CHD2: variants seen among roughly 807,000 people sequenced by gnomAD.
CHD2 encodes the protein chromodomain helicase DNA binding protein 2.
Under a neutral mutation model 243.9 loss-of-function variants are expected in CHD2, and 28 were observed. The ratio of observed to expected loss-of-function variants is 0.11; its 90% confidence interval spans 0.09 to 0.16. The LOEUF is 0.16. CHD2 is among the 10% of genes least tolerant of loss of function. The pLI, the probability that CHD2 is intolerant of heterozygous loss-of-function variation, is 1.00. For synonymous variants in CHD2, 775 were observed against 779.0 expected, an observed-to-expected ratio of 0.99 and a Z score of 0.09; for missense variants, 1,386 against 2,209.8, an observed-to-expected ratio of 0.63 and a Z score of 7.47.
intron 2 of CHD2, among the ~76,000 whole-genome samples, chr15:92,903,880 C>T (rs1342973613): frequency 2.0e-5 from 3 of 152,118 alleles, no homozygotes; most frequent in Admixed American, 6.5e-5. Flanking sequence ...CGGGTAAATC[C>T]TACAATTTTC....
intron 34 of CHD2, among the ~76,000 whole-genome samples, chr15:93,006,690 C>T (rs1472130211): frequency 3.3e-5 from 5 of 152,176 alleles, no homozygotes; most frequent in African/African-American, 9.7e-5. Flanking sequence ...ACATAGAACA[C>T]AGTTTTGACC....
intron 3 of CHD2, among the ~76,000 whole-genome samples, chr15:92,925,850 T>G (rs2053050130): frequency 6.6e-6 from 1 of 152,242 alleles, no homozygotes; most frequent in Non-Finnish European, 1.5e-5. Flanking sequence ...GTAAAATGCC[T>G]ATTCTGGGCC....
intron 35 of CHD2, among the ~76,000 whole-genome samples, chr15:93,010,170 A>G (rs544328960): frequency 2.5e-4 from 38 of 152,126 alleles, no homozygotes; most frequent in African/African-American, 8.7e-4. Flanking sequence ...ATTCCTTTTT[A>G]TGGCTGAGTA....
At chr15:92,937,233 G>T (rs78177980) in intron 5 of CHD2, among the ~76,000 whole-genome samples, 4 of 151,904 alleles carry the variant, frequency 2.6e-5, no homozygotes, top group Non-Finnish European at 5.9e-5. Context: ...CACTGATCTT[G>T]TGCATGTTAT....
rs1194866781 is a variant in CHD2 at position 93,026,483 on chromosome 15, T to A, written c.*1778T>A. On this transcript the variant is annotated 3_prime_UTR_variant, in exon 39 of 39. Coordinates refer to ENST00000394196, the MANE Select transcript of CHD2 (RefSeq NM_001271.4). ...TGAGGGTCTGGGTCCCGGAAGCTTGTGTTGAGAGCTCAGTGGACCCACCCC... is the reference window on the plus strand; with the variant it reads ...TGAGGGTCTGGGTCCCGGAAGCTTGAGTTGAGAGCTCAGTGGACCCACCCC... 2 of 152,252 alleles carry A rather than the reference T, an allele frequency of 1.3e-5. No individual in the cohort carries two copies. The highest frequency in any genetic ancestry group is 3.8e-4 in the East Asian group (2 of 5,204). The allele number at this position is 152,252 out of a possible 1,614,324, so 9.4% of individuals were successfully genotyped here. A position where few individuals can be genotyped will look rare whatever the true frequency, so the allele number is the denominator to read the frequency against.
In CHD2 at chr15:92,942,061, G is replaced by C. The variant is rs181635160; in HGVS notation, c.826+106G>C. ...TGAATTTTAGTCTACTGCTGTATTT[G>C]TTGTGATATGTAGAAGTCTTTCTGA... On this transcript the variant is annotated intron_variant, in intron 8 of 38. Transcript: ENST00000394196. 5.9e-4 allele frequency: 627 copies of C among 1,062,652 alleles called. 2 individuals are homozygous for C. Among genetic ancestry groups the C allele is most frequent in the Non-Finnish European group, 7.7e-4 (558 of 723,336 alleles). The allele number at this position is 1,062,652 out of a possible 1,614,324, so 65.8% of individuals were successfully genotyped here.
chr15:92,961,876 C>CTTTTTT (rs3064790), intron 16 of CHD2, among the ~76,000 whole-genome samples: 3,737 of 77,480 alleles, frequency 0.048, 269 homozygotes, highest in Non-Finnish European at 0.061. Context: ...TTTTTCTTCT[C>CTTTTTT]TTTTTTTTTT....
intron 5 of CHD2, among the ~76,000 whole-genome samples, chr15:92,933,640 T>TA (rs2053215785): frequency 6.6e-6 from 1 of 152,214 alleles, no homozygotes; most frequent in Admixed American, 6.5e-5. Flanking sequence ...GTTTTATTCT[T>TA]ACCAGGTGGG....
rs149772468 is a variant in CHD2 at position 92,904,618 on chromosome 15, C to T, written c.62+3319C>T. The stretch of plus-strand genomic sequence containing the variant: ...GCACCCTGTAGTGTGTTCTTTTGCC[C>T]ATTTCCGGGAATGGTTTATCCTCTT... On this transcript the variant is annotated intron_variant, in intron 2 of 38. Transcript: ENST00000394196. 482 of 1,175,266 alleles carry T rather than the reference C, an allele frequency of 4.1e-4. 3 individuals are homozygous for T. In the African/African-American group the frequency reaches 7.1e-3, roughly 17 times the overall value. 72.8% of individuals were successfully genotyped at this position (1,175,266 alleles called of 1,614,324 possible).
At chr15:92,903,504 G>T (rs1489829314) in intron 2 of CHD2, among the ~76,000 whole-genome samples, 1 of 152,114 alleles carries the variant, frequency 6.6e-6, no homozygotes, top group African/African-American at 2.4e-5. Context: ...ATATAAGTTT[G>T]TATTTTAATT....
chr15:93,024,384 C>T lies in CHD2; in HGVS notation c.5166C>T (p.Asp1722=). ...ATCTCTATTTCAGGCACCATCATGA[C>T]TCCAAGCGGAGGAGATCCGATGAAT... ...HRDYYDRHHH[D]SKRRRSDEFR... Residue 1722 remains aspartate, a synonymous_variant, in exon 39 of 39, where the codon GAC becomes GAT. Transcript: ENST00000394196. The T allele has an allele frequency of 6.2e-7, 1 of 1,613,128 alleles. No individual in the cohort carries two copies. The highest frequency in any genetic ancestry group is 8.5e-7 in the Non-Finnish European group (1 of 1,179,382).
At chr15:92,904,841 A>C in intron 2 of CHD2, 3 of 1,516,080 alleles carry the variant, frequency 2.0e-6, no homozygotes, top group East Asian at 2.5e-5. Flanking sequence ...AAAACGTTTG[A>C]GTGTCAGAGG....
intron 20 of CHD2, among the ~76,000 whole-genome samples, chr15:92,976,774 G>GCA (rs1302568054): frequency 6.6e-6 from 1 of 151,712 alleles, no homozygotes; most frequent in Non-Finnish European, 1.5e-5. Context: ...AGTATTGTGT[G>GCA]CTTGTAGTTC....
intron 38 of CHD2, among the ~76,000 whole-genome samples, chr15:93,024,158 T>TAC (rs559995137): frequency 6.6e-6 from 1 of 151,740 alleles, no homozygotes; most frequent in Non-Finnish European, 1.5e-5. Flanking sequence ...TTTTCAAGTG[T>TAC]GTACTTGTGT....
intron 16 of CHD2, chr15:92,965,310 A>C (rs1486118860): frequency 4.6e-5 from 7 of 152,264 alleles, no homozygotes; most frequent in Non-Finnish European, 1.5e-5. Flanking sequence ...TAATCCCAGC[A>C]CTTTGGGAGG....
chr15:92,901,484 T>C (rs2052528319), intron 2 of CHD2, 185 bp downstream of exon 2: 6 of 603,864 alleles, frequency 9.9e-6, no homozygotes, highest in Admixed American at 6.2e-5. Context: ...TTGGTAGCAA[T>C]TTATGAAAGT....
chr15:92,951,510 T>G (rs1258328648), intron 13 of CHD2, among the ~76,000 whole-genome samples: 1 of 152,136 alleles, frequency 6.6e-6, no homozygotes, highest in African/African-American at 2.4e-5. Context: ...AAAAATCAGT[T>G]GAAAAGGGCT....
At chr15:92,931,072 T>G (rs1217445043) in intron 5 of CHD2, among the ~76,000 whole-genome samples, 1 of 152,182 alleles carries the variant, frequency 6.6e-6, no homozygotes, top group Admixed American at 6.5e-5. Flanking sequence ...CAAGGCACTT[T>G]AGGAGCCTTC....
chr15:92,906,100 T>G (rs546649006), intron 2 of CHD2, among the ~76,000 whole-genome samples: 1 of 152,380 alleles, frequency 6.6e-6, no homozygotes, highest in South Asian at 2.1e-4. Flanking sequence ...TATAACAATT[T>G]ACCTATTAAC....
Sources: allele counts gnomAD v4.1 joint callset (sites outside exome capture counted in the v4.1 genomes callset), GRCh38; gene constraint gnomAD v4.1.1; transcripts MANE v1.5; gene names NCBI Gene and HGNC (gene_info 2026-07-23, HGNC 2026-07-21).